Variants in PSMC1 observed in about 807,000 individuals in gnomAD.
PSMC1 encodes the protein proteasome 26S subunit, ATPase 1, also known as 26S proteasome regulatory subunit 4.
A neutral mutation model predicts 49.8 loss-of-function variants in PSMC1; 5 were observed. That is an observed-to-expected ratio of 0.10 (90% CI 0.05 to 0.21). The LOEUF is 0.21. Among genes scored for constraint, PSMC1 ranks in the 10% least tolerant of loss-of-function variants. PSMC1 has a pLI of 1.00. For synonymous variants in PSMC1, 155 were observed against 192.1 expected (o/e 0.81, Z 1.60); for missense variants, 181 against 535.7 (o/e 0.34, Z 6.54).
chr14:90,259,152 T>C lies in PSMC1; in HGVS notation c.4-8T>C. ...AATTTACATCTGTGCCTGATTTTTC[T>C]CCTCCAGGGTCAAAGTCAGAGTGGT... On this transcript the variant is annotated splice_region_variant and splice_polypyrimidine_tract_variant and intron_variant, in intron 1 of 10. Coordinates refer to ENST00000261303, the MANE Select transcript of PSMC1 (RefSeq NM_002802.3). The C allele has an allele frequency of 6.2e-7, 1 of 1,613,542 alleles. No individual in the cohort carries two copies. The highest frequency in any genetic ancestry group is 8.5e-7 in the Non-Finnish European group (1 of 1,179,714).
At chr14:90,269,968 AT>A in intron 9 of PSMC1, 1 of 501,444 alleles carries the variant, frequency 2.0e-6, no homozygotes. Flanking sequence ...CCTTTCATTT[AT>A]TTCTGAAGGT....
chr14:90,263,642 CT>C lies in PSMC1; in HGVS notation c.280-18del. On this transcript the variant is annotated intron_variant, in intron 4 of 10. Transcript: ENST00000261303. ...TTTGAGGTCTAGTCTGCTTTTTTCC[CT>C]TGGCATTTTCATATGTAGGAGGAAA... The C allele has an allele frequency of 6.2e-7, 1 of 1,608,332 alleles. No homozygotes were observed. The highest frequency in any genetic ancestry group is 1.1e-5 in the South Asian group (1 of 90,404).
chr14:90,266,365 T>C (rs1405471902), intron 7 of PSMC1, among the ~76,000 whole-genome samples: 3 of 152,186 alleles, frequency 2.0e-5, no homozygotes, highest in Non-Finnish European at 4.4e-5. Flanking sequence ...CACAGTCATT[T>C]GAGAGAATTG....
intron 7 of PSMC1, among the ~76,000 whole-genome samples, 177 bp downstream of exon 7, chr14:90,265,343 GA>G (rs34260220): frequency 0.16 from 20,022 of 126,622 alleles, 1,530 homozygotes; most frequent in East Asian, 0.24. Context: ...AATACTGATG[GA>G]AAAAAAAAAA....
intron 10 of PSMC1, chr14:90,271,924 C>T (rs545173940): frequency 3.5e-4 from 50 of 140,946 alleles, no homozygotes; most frequent in South Asian, 2.1e-3. Context: ...GGTAGAGTTT[C>T]GCTCGTTGCT....
At chr14:90,270,148 G>A (rs760187958) in intron 9 of PSMC1, 50 bp from the exon 10 acceptor site, 21 of 1,593,730 alleles carry the variant, frequency 1.3e-5, no homozygotes, top group Non-Finnish European at 1.4e-5. Flanking sequence ...AGCCATGGCC[G>A]AGCCTGGGTT....
chr14:90,274,543 A>T lies in PSMC1; in HGVS notation c.*2136A>T, dbSNP rs1891751810. 7.8e-6 allele frequency: 1 copy of T among 128,706 alleles called. No homozygotes were observed. The highest frequency in any genetic ancestry group is 7.7e-5 in the Admixed American group (1 of 12,908). The allele number at this position is 128,706 out of a possible 1,614,324, so 8.0% of individuals were successfully genotyped here. On this transcript the variant is annotated 3_prime_UTR_variant, in exon 11 of 11. Coordinates refer to ENST00000261303, the MANE Select transcript of PSMC1 (RefSeq NM_002802.3). ...CCCTAGACCCAGACCTTTGCTGCTA[A>T]AAGTATTATTCTCCACTAAAAGGAG... is the stretch of plus-strand genomic sequence containing the variant.
In PSMC1 at chr14:90,268,240, C is replaced by T. The variant is rs1420219950; in HGVS notation, c.708C>T (p.Ala236=). ...CCAAAATAGGTAAAACCTTGTTAGCCAAAGCAGTAGCAAACCAAACCTCAG... is the reference window on the plus strand; with the variant it reads ...CCAAAATAGGTAAAACCTTGTTAGCTAAAGCAGTAGCAAACCAAACCTCAG... The part of the protein sequence containing the change: ...GPPGTGKTLL[A]KAVANQTSAT... The change falls in exon 8 of 11, where the codon GCC becomes GCT. Residue 236 remains alanine, a synonymous_variant. Transcript: ENST00000261303. 1 of 1,585,622 alleles carries T rather than the reference C, an allele frequency of 6.3e-7. No individual in the cohort carries two copies. The highest frequency in any genetic ancestry group is 8.6e-7 in the Non-Finnish European group (1 of 1,169,490).
At chr14:90,258,718 T>C (rs1891341483) in intron 1 of PSMC1, among the ~76,000 whole-genome samples, 1 of 152,196 alleles carries the variant, frequency 6.6e-6, no homozygotes, top group South Asian at 2.1e-4. Flanking sequence ...GGGTAAATGA[T>C]TGGTAAACGA....
At position 90,272,220 on chromosome 14, in the gene PSMC1, G is replaced by T; in HGVS notation, c.1189-53G>T. 1.1e-5 allele frequency: 17 copies of T among 1,589,914 alleles called. No homozygotes were observed. Among genetic ancestry groups the T allele is most frequent in the Non-Finnish European group, 1.2e-5 (14 of 1,172,106 alleles). Reference sequence around the variant, plus strand: ...CAGAATAGGTTTTTTGGAATTCCTTGTTAGAATAAAAATGAGTATGTCACT... The same window carrying T: ...CAGAATAGGTTTTTTGGAATTCCTTTTTAGAATAAAAATGAGTATGTCACT... On this transcript the variant is annotated intron_variant, in intron 10 of 10. Transcript: ENST00000261303. The surrounding 1 kb of genome is among the most constrained non-coding windows in gnomAD (Gnocchi z 4.5).
In PSMC1 at chr14:90,270,416, A is replaced by G. The variant is rs1244355630; in HGVS notation, c.1188+64A>G. The stretch of plus-strand genomic sequence containing the variant: ...GGCCGTCAATCAGGAAAGAGTCTAT[A>G]TGTGCTCTTGGGATGGTGGTTGGCC... On this transcript the variant is annotated intron_variant, in intron 10 of 10. Transcript: ENST00000261303. 13 of 1,538,676 alleles carry G rather than the reference A, an allele frequency of 8.4e-6. No homozygotes were observed. The South Asian group carries it at 1.2e-4, about 14-fold the overall frequency.
At chr14:90,268,100 C>A in intron 7 of PSMC1, 124 bp from the exon 8 acceptor site, 1 of 693,834 alleles carries the variant, frequency 1.4e-6, no homozygotes, top group Non-Finnish European at 2.3e-6. Flanking sequence ...TGAATTGGTG[C>A]CATGCCTTAG....
chr14:90,270,365 C>T lies in PSMC1; in HGVS notation c.1188+13C>T, dbSNP rs763360590. On this transcript the variant is annotated intron_variant, in intron 10 of 10. Transcript: ENST00000261303. The stretch of plus-strand genomic sequence containing the variant: ...TGCTGACATCAAGGTGAGAGCCTAG[C>T]CGTGTCAGCTTATTTCTGGGAATGT... 1 of 1,608,004 alleles carries T rather than the reference C, an allele frequency of 6.2e-7. No individual in the cohort carries two copies. Among genetic ancestry groups the T allele is most frequent in the Admixed American group, 1.7e-5 (1 of 59,496 alleles).
Position 90,274,706 on chromosome 14 carries a change from T to G in PSMC1, c.*2299T>G, listed in dbSNP as rs957349741. The G allele has an allele frequency of 2.6e-5, 4 of 151,768 alleles. No individual in the cohort carries two copies. The highest frequency in any genetic ancestry group is 7.3e-5 in the African/African-American group (3 of 41,258). The allele number at this position is 151,768 out of a possible 1,614,324, so 9.4% of individuals were successfully genotyped here. On this transcript the variant is annotated 3_prime_UTR_variant, in exon 11 of 11. Coordinates refer to ENST00000261303, the MANE Select transcript of PSMC1 (RefSeq NM_002802.3). Reference sequence around the variant, plus strand: ...GAAGCCTATGTGAAGGGGCTTCCACTGGCCAAACTCGGGACAATCTGAGCA... The same window carrying G: ...GAAGCCTATGTGAAGGGGCTTCCACGGGCCAAACTCGGGACAATCTGAGCA...
In PSMC1 at chr14:90,274,310, A is replaced by T. The variant is rs1891743977; in HGVS notation, c.*1903A>T. The T allele has an allele frequency of 6.4e-6, 1 of 155,630 alleles. No homozygotes were observed. The highest frequency in any genetic ancestry group is 1.5e-5 in the Non-Finnish European group (1 of 68,600). 9.6% of individuals were successfully genotyped at this position (155,630 alleles called of 1,614,324 possible). On this transcript the variant is annotated 3_prime_UTR_variant, in exon 11 of 11. Transcript: ENST00000261303. Reference sequence around the variant, plus strand: ...TGTGGGCAGCCTGATGTGCAGTATGAGAGCCCAAGTGGGTGAGGAAGGCAT... The same window carrying T: ...TGTGGGCAGCCTGATGTGCAGTATGTGAGCCCAAGTGGGTGAGGAAGGCAT...
chr14:90,271,398 A>G (rs995642832), intron 10 of PSMC1: 1 of 152,228 alleles, frequency 6.6e-6, no homozygotes, highest in African/African-American at 2.4e-5. Flanking sequence ...TAAACAGATC[A>G]GGCCTAAAAC....
Position 90,272,412 on chromosome 14 carries a change from C to G in PSMC1, c.*5C>G. 6.5e-7 allele frequency: 1 copy of G among 1,535,804 alleles called. No homozygotes were observed. The highest frequency in any genetic ancestry group is 8.8e-7 in the Non-Finnish European group (1 of 1,135,792). ...CCTGAGGGGCTGTATCTCTAATGAA[C>G]CATGGCTGTCATCAGGAAAATGGTT... On this transcript the variant is annotated 3_prime_UTR_variant, in exon 11 of 11. Coordinates refer to ENST00000261303, the MANE Select transcript of PSMC1 (RefSeq NM_002802.3). The surrounding 1 kb of genome is among the most constrained non-coding windows in gnomAD (Gnocchi z 4.5).
chr14:90,269,353 C>T (rs768599422), intron 8 of PSMC1, 44 bp from the exon 9 acceptor site: 11 of 1,530,542 alleles, frequency 7.2e-6, no homozygotes, highest in East Asian at 2.3e-5. Flanking sequence ...CTTGAGCAGG[C>T]GATCAGTTGA....
At chr14:90,270,441 C>T (rs1441732002) in intron 10 of PSMC1, 89 bp downstream of exon 10, 6 of 1,420,064 alleles carry the variant, frequency 4.2e-6, no homozygotes, top group Non-Finnish European at 5.7e-6. Context: ...GGTGGTTGGC[C>T]TGGACAGGTG....
Sources: allele counts gnomAD v4.1 joint callset (sites outside exome capture counted in the v4.1 genomes callset), GRCh38; gene constraint gnomAD v4.1.1; non-coding constraint Gnocchi (gnomAD v3.1); transcripts MANE v1.5; gene names NCBI Gene and HGNC (gene_info 2026-07-23, HGNC 2026-07-21).